MTUS2: variants seen among roughly 807,000 people sequenced by gnomAD.
The protein encoded by MTUS2 is microtubule-associated tumor suppressor candidate 2.
Under a neutral mutation model 114.1 loss-of-function variants are expected in MTUS2, and 40 were observed. That is an observed-to-expected ratio of 0.35 (90% CI 0.27 to 0.46). The LOEUF (loss-of-function observed/expected upper bound fraction) is 0.46, where lower values mean the gene tolerates loss of function less well. Ranked by LOEUF, MTUS2 falls within the 20% of genes least tolerant of loss-of-function variation. The pLI, the probability that MTUS2 is intolerant of heterozygous loss-of-function variation, is 1.00. For missense variants in MTUS2, 1,679 were observed against 1,705.4 expected (o/e 0.98, Z 0.27); for synonymous variants, 688 against 672.0 (o/e 1.02, Z -0.37).
rs1193617860 is a variant in MTUS2 at position 29,351,630 on chromosome 13, G to T, written c.2906-7632G>T. 4.6e-5 allele frequency among the ~76,000 whole-genome samples: 7 copies of T among 151,608 alleles called. No homozygotes were observed. In the East Asian group the frequency reaches 1.2e-3, roughly 25 times the overall value. Reference sequence around the variant, plus strand: ...TTTTTGTTTGTTTTTTTGAGACAGGGTCTCCCTCTGTCACCCAGGCTGGAG... The same window carrying T: ...TTTTTGTTTGTTTTTTTGAGACAGGTTCTCCCTCTGTCACCCAGGCTGGAG... On this transcript the variant is annotated intron_variant, in intron 7 of 15. Transcript: ENST00000612955.
chr13:28,935,261 A>T (rs922657129), intron 2 of MTUS2, among the ~76,000 whole-genome samples: 7 of 151,966 alleles, frequency 4.6e-5, no homozygotes, highest in African/African-American at 1.7e-4. Flanking sequence ...GTTGTTATGA[A>T]CATTTTTGTC....
chr13:28,901,784 T>C (rs1879660221), intron 2 of MTUS2, among the ~76,000 whole-genome samples: 1 of 152,206 alleles, frequency 6.6e-6, no homozygotes, highest in Admixed American at 6.5e-5. Context: ...TCTTAATAGA[T>C]AGAGTAGTTC....
At chr13:29,275,631 C>T (rs906910759) in intron 5 of MTUS2, among the ~76,000 whole-genome samples, 1 of 152,164 alleles carries the variant, frequency 6.6e-6, no homozygotes, top group African/African-American at 2.4e-5. Context: ...GTTTGTCTTT[C>T]TGTGTCTGGC....
intron 2 of MTUS2, among the ~76,000 whole-genome samples, chr13:28,992,841 T>C (rs1173889393): frequency 6.6e-6 from 1 of 152,180 alleles, no homozygotes. Context: ...TCTCCAGAAG[T>C]CTTTCATCTT....
chr13:29,502,878 C>T (rs949595753), intron 15 of MTUS2, 115 bp from the exon 16 acceptor site: 1 of 1,007,190 alleles, frequency 9.9e-7, no homozygotes, highest in Non-Finnish European at 1.5e-6. Context: ...CACCCTGGTC[C>T]CTGTTCTCCC....
intron 4 of MTUS2, among the ~76,000 whole-genome samples, chr13:29,097,743 A>T (rs1217573061): frequency 6.6e-6 from 1 of 151,996 alleles, no homozygotes; most frequent in Non-Finnish European, 1.5e-5. Context: ...TTCTTTTCAT[A>T]TGGGCACTTA....
chr13:29,140,246 G>A (rs1892162405), intron 5 of MTUS2, among the ~76,000 whole-genome samples: 1 of 152,182 alleles, frequency 6.6e-6, no homozygotes, highest in Non-Finnish European at 1.5e-5. Flanking sequence ...TAAATTTAGA[G>A]TCTTCAGACT....
At chr13:29,164,312 C>T (rs371932716) in intron 5 of MTUS2, among the ~76,000 whole-genome samples, 4 of 152,172 alleles carry the variant, frequency 2.6e-5, no homozygotes, top group African/African-American at 2.4e-5. Flanking sequence ...ACGATTTTTG[C>T]GGTCTGCTCA....
At chr13:28,843,826 T>G (rs1191271312) in intron 2 of MTUS2, among the ~76,000 whole-genome samples, 3 of 152,170 alleles carry the variant, frequency 2.0e-5, no homozygotes, top group African/African-American at 7.2e-5. Context: ...TGGCACTGTG[T>G]CGTCTTTGGA....
At chr13:29,241,022 T>C (rs1026762163) in intron 5 of MTUS2, among the ~76,000 whole-genome samples, 3 of 152,218 alleles carry the variant, frequency 2.0e-5, no homozygotes, top group Non-Finnish European at 2.9e-5. Context: ...TTTGTTTTTA[T>C]GTTTTTAATT....
intron 2 of MTUS2, among the ~76,000 whole-genome samples, chr13:29,011,347 G>A (rs1407042282): frequency 2.0e-5 from 3 of 152,204 alleles, no homozygotes; most frequent in African/African-American, 7.2e-5. Flanking sequence ...GAAAATGCTA[G>A]CAAGACAGTT....
At chr13:29,234,925 T>C (rs1360838273) in intron 5 of MTUS2, among the ~76,000 whole-genome samples, 1 of 152,154 alleles carries the variant, frequency 6.6e-6, no homozygotes, top group African/African-American at 2.4e-5. Context: ...TATTTGTAAA[T>C]AATTTAAGTG....
intron 5 of MTUS2, among the ~76,000 whole-genome samples, chr13:29,158,358 C>CCCCCCCTCTCTTTT: frequency 3.1e-5 from 1 of 32,048 alleles, no homozygotes; most frequent in Admixed American, 4.2e-4. Context: ...GTCCACCCCG[C>CCCCCCCTCTCTTTT]TTTTTTTTTT....
intron 5 of MTUS2, among the ~76,000 whole-genome samples, chr13:29,225,832 A>G (rs1379389643): frequency 2.0e-5 from 3 of 152,142 alleles, no homozygotes; most frequent in African/African-American, 7.2e-5. Context: ...CAGTATTAGT[A>G]TTGTCCTGGG....
At position 29,239,121 on chromosome 13, in the gene MTUS2, C is replaced by CA. The variant is rs1431196612; in HGVS notation, c.2645-42577dup. On this transcript the variant is annotated intron_variant, in intron 5 of 15. Coordinates refer to ENST00000612955, the MANE Select transcript of MTUS2 (RefSeq NM_001033602.4). Reference sequence around the variant, plus strand: ...CCCAAGTGTTCTCACCACAGACACACAAAAAAGGTAGCTGTGTGAGGTGGT... The same window carrying CA: ...CCCAAGTGTTCTCACCACAGACACACAAAAAAAGGTAGCTGTGTGAGGTGGT... 2.6e-5 allele frequency among the ~76,000 whole-genome samples: 4 copies of CA among 151,976 alleles called. No homozygotes were observed. In the South Asian group the frequency reaches 8.3e-4, roughly 32 times the overall value.
chr13:29,014,630 C>T (rs1885989635), intron 2 of MTUS2, among the ~76,000 whole-genome samples: 1 of 152,148 alleles, frequency 6.6e-6, no homozygotes, highest in African/African-American at 2.4e-5. Context: ...TCCAGGAAAG[C>T]CCCTCCTCAG....
At chr13:29,133,173 G>A (rs565489989) in intron 5 of MTUS2, among the ~76,000 whole-genome samples, 8 of 152,064 alleles carry the variant, frequency 5.3e-5, no homozygotes, top group East Asian at 1.9e-4. Flanking sequence ...TTGGAGATCC[G>A]TCTCCTCCAG....
At chr13:28,981,839 G>A (rs1400906614) in intron 2 of MTUS2, among the ~76,000 whole-genome samples, 1 of 152,174 alleles carries the variant, frequency 6.6e-6, no homozygotes, top group African/African-American at 2.4e-5. Flanking sequence ...CTAAGGTCAG[G>A]GGTTCAGGAT....
intron 2 of MTUS2, among the ~76,000 whole-genome samples, chr13:28,983,687 C>G (rs1884455819): frequency 1.3e-5 from 2 of 152,214 alleles, no homozygotes; most frequent in African/African-American, 4.8e-5. Context: ...AATGCAGATT[C>G]TTGGGTCCCA....
Sources: allele counts gnomAD v4.1 joint callset (sites outside exome capture counted in the v4.1 genomes callset), GRCh38; gene constraint gnomAD v4.1.1; transcripts MANE v1.5; gene names NCBI Gene and HGNC (gene_info 2026-07-23, HGNC 2026-07-21).